The following PLSCR2 variants were observed in gnomAD, a reference collection of about 807,000 sequenced individuals.
PLSCR2 encodes phospholipid scramblase 2, also known as PL scramblase 2.
Under a neutral mutation model 25.3 loss-of-function variants are expected in PLSCR2, and 18 were observed. The ratio of observed to expected loss-of-function variants is 0.71; its 90% CI spans 0.49 to 1.06. The LOEUF is 1.06. Ranked by LOEUF, PLSCR2 falls within the 50% of genes least tolerant of loss-of-function variation. The pLI is 0.00. For missense variants in PLSCR2, 243 were observed against 269.5 expected, an observed-to-expected ratio of 0.90 and a Z score of 0.69; for synonymous variants, 88 against 87.3, an observed-to-expected ratio of 1.01 and a Z score of -0.04.
chr3:146,461,801 T>C (rs1303057752), upstream of PLSCR2: 5 of 774,598 alleles, frequency 6.5e-6, no homozygotes, highest in Non-Finnish European at 8.9e-6. Flanking sequence ...AGTAAGGAGT[T>C]TGGATTTTAT....
intron 2 of PLSCR2, among the ~76,000 whole-genome samples, chr3:146,417,969 T>C (rs2039040961): frequency 6.6e-6 from 1 of 152,134 alleles, no homozygotes; most frequent in Non-Finnish European, 1.5e-5. Context: ...TGCTGGAGGC[T>C]GTAGGAATTA....
At chr3:146,447,114 A>G (rs1190662675) in intron 6 of PLSCR2, among the ~76,000 whole-genome samples, 1 of 152,164 alleles carries the variant, frequency 6.6e-6, no homozygotes, top group Admixed American at 6.5e-5. Context: ...GGCCCAGCAC[A>G]GGTCCATAAA....
At chr3:146,474,525 G>A (rs139779611) in intron 1 of PLSCR2, among the ~76,000 whole-genome samples, 4 of 152,084 alleles carry the variant, frequency 2.6e-5, no homozygotes, top group East Asian at 1.9e-4. Context: ...TGGGCTTCCC[G>A]TTGCAGGAGA....
intron 2 of PLSCR2, among the ~76,000 whole-genome samples, chr3:146,410,659 C>T (rs554220845): frequency 3.3e-5 from 5 of 152,320 alleles, no homozygotes; most frequent in African/African-American, 7.2e-5. Context: ...GCAGTACCAA[C>T]GTCTTGACAT....
intron 3 of PLSCR2, among the ~76,000 whole-genome samples, chr3:146,456,115 C>G (rs1380858275): frequency 3.3e-5 from 5 of 152,174 alleles, no homozygotes; most frequent in Admixed American, 6.5e-5. Context: ...GGCTTCAACT[C>G]AGAATATCTA....
intron 2 of PLSCR2, among the ~76,000 whole-genome samples, chr3:146,410,528 C>A (rs1038612557): frequency 1.3e-5 from 2 of 152,142 alleles, no homozygotes; most frequent in African/African-American, 4.8e-5. Context: ...ACCTGACTTG[C>A]CTCTGGCAGA....
chr3:146,421,108 C>A (rs1156287095), intron 2 of PLSCR2, among the ~76,000 whole-genome samples: 1 of 151,854 alleles, frequency 6.6e-6, no homozygotes, highest in Non-Finnish European at 1.5e-5. Flanking sequence ...TGTATTAGGG[C>A]AGGACAAAAG....
chr3:146,413,695 A>G (rs753660740), intron 2 of PLSCR2, among the ~76,000 whole-genome samples: 2 of 152,168 alleles, frequency 1.3e-5, no homozygotes, highest in Non-Finnish European at 1.5e-5. Flanking sequence ...CTTTCTACCA[A>G]TGCTCTGATC....
chr3:146,454,992 T>G (rs1216950882), intron 4 of PLSCR2, among the ~76,000 whole-genome samples: 3 of 152,190 alleles, frequency 2.0e-5, no homozygotes. Context: ...TGACCTTTCC[T>G]TTAATATCAA....
At chr3:146,423,492 G>A (rs1481576849) in intron 2 of PLSCR2, among the ~76,000 whole-genome samples, 1 of 151,902 alleles carries the variant, frequency 6.6e-6, no homozygotes, top group Non-Finnish European at 1.5e-5. Context: ...GTCACATAAA[G>A]TAGTCATTCA....
At chr3:146,394,020 C>T (rs903150285) in intron 3 of PLSCR2, among the ~76,000 whole-genome samples, 7 of 151,952 alleles carry the variant, frequency 4.6e-5, no homozygotes, top group African/African-American at 1.7e-4. Flanking sequence ...GCATACAGGT[C>T]TAGAATTATT....
At chr3:146,486,950 C>G (rs2043367068) in intron 1 of PLSCR2, among the ~76,000 whole-genome samples, 1 of 152,104 alleles carries the variant, frequency 6.6e-6, no homozygotes, top group Admixed American at 6.6e-5. Flanking sequence ...AGCAGCCCAT[C>G]AAAAAGTTTA....
intron 3 of PLSCR2, among the ~76,000 whole-genome samples, chr3:146,393,797 A>G (rs2107969972): frequency 9.7e-6 from 1 of 102,738 alleles, no homozygotes; most frequent in African/African-American, 3.4e-5. Context: ...CTGGCGACAG[A>G]GACTCCGTCT....
At chr3:146,397,962 G>T (rs2038329151) in intron 2 of PLSCR2, among the ~76,000 whole-genome samples, 2 of 151,908 alleles carry the variant, frequency 1.3e-5, no homozygotes, top group Non-Finnish European at 2.9e-5. Context: ...ATAATTCTAA[G>T]AAAGGAAGGA....
At chr3:146,483,617 G>C (rs1472366451) in intron 1 of PLSCR2, among the ~76,000 whole-genome samples, 1 of 150,430 alleles carries the variant, frequency 6.6e-6, no homozygotes, top group Non-Finnish European at 1.5e-5. Context: ...TTCGGGTGAT[G>C]TATCTAAGTG....
chr3:146,451,130 T>C lies in PLSCR2; in HGVS notation c.484-1763A>G, dbSNP rs2040867811. On this transcript the variant is annotated intron_variant, in intron 5 of 6. Transcript: ENST00000610787. The stretch of plus-strand genomic sequence containing the variant: ...TTCTTTTTTTTTTTTTTTTTTTTTT[T>C]TGAGACGAAGTCTTGCTCTTGTCCC... Among the ~76,000 whole-genome samples the C allele has an allele frequency of 2.1e-5, 3 of 141,182 alleles. No individual in the cohort carries two copies. The Admixed American group carries it at 2.2e-4, about 10-fold the overall frequency. The allele number at this position is 141,182 out of a possible 152,430, so 92.6% of individuals were successfully genotyped here.
chr3:146,493,105 A>T (rs2043610018), intron 1 of PLSCR2, among the ~76,000 whole-genome samples: 1 of 152,172 alleles, frequency 6.6e-6, no homozygotes, highest in African/African-American at 2.4e-5. Flanking sequence ...ACATTAAACC[A>T]GGAAGAAATT....
At chr3:146,401,322 G>A (rs969300429) in intron 2 of PLSCR2, 6 of 152,492 alleles carry the variant, frequency 3.9e-5, no homozygotes, top group African/African-American at 7.2e-5. Flanking sequence ...GTCCGGCATT[G>A]AGGCTTTTTT....
At chr3:146,394,820 G>A (rs1052203598) in intron 3 of PLSCR2, among the ~76,000 whole-genome samples, 3 of 152,174 alleles carry the variant, frequency 2.0e-5, no homozygotes, top group South Asian at 2.1e-4. Flanking sequence ...CAAGTGGGGA[G>A]GGAGGGAAGT....
Sources: gnomAD v4.1 joint callset for allele counts (sites outside exome capture counted in the v4.1 genomes callset) on GRCh38, gnomAD v4.1.1 for gene constraint, MANE v1.5 for transcripts, NCBI Gene and HGNC (gene_info 2026-07-23, HGNC 2026-07-21) for gene names.